The following IL1RAPL1 variants were observed in gnomAD, a reference collection of about 807,000 sequenced individuals.
The protein encoded by IL1RAPL1 is interleukin-1 receptor accessory protein-like 1.
In IL1RAPL1, 3 loss-of-function variants were observed where a neutral mutation model predicts 48.4. The observed-to-expected ratio is 0.06, with a 90% CI of 0.03 to 0.16. IL1RAPL1 has a LOEUF of 0.16. IL1RAPL1 is among the 10% of genes least tolerant of loss of function. The pLI is 1.00. For synonymous variants in IL1RAPL1, 185 were observed against 187.7 expected (o/e 0.99, Z 0.12); for missense variants, 349 against 530.6 (o/e 0.66, Z 3.36).
chrX:29,703,715 A>G (rs960083392), intron 6 of IL1RAPL1, among the ~76,000 whole-genome samples: 1 of 112,245 alleles, frequency 8.9e-6, no homozygotes, highest in Non-Finnish European at 1.9e-5. Context: ...GAATTCATAT[A>G]CTTGCTTGTA....
At chrX:29,042,828 CTTGCT>C (rs888177724) in intron 2 of IL1RAPL1, among the ~76,000 whole-genome samples, 2 of 111,989 alleles carry the variant, frequency 1.8e-5, no homozygotes, top group African/African-American at 3.2e-5. Flanking sequence ...CTCTAATAAA[CTTGCT>C]TTCACTTTAC....
At chrX:29,663,788 T>G (rs1417400683) in intron 5 of IL1RAPL1, among the ~76,000 whole-genome samples, 1 of 112,218 alleles carries the variant, frequency 8.9e-6, no homozygotes, top group Non-Finnish European at 1.9e-5. Context: ...GTCCAGTTCA[T>G]TATTTCACAA....
chrX:29,099,643 A>G (rs1478750495), intron 2 of IL1RAPL1, among the ~76,000 whole-genome samples: 1 of 111,709 alleles, frequency 9.0e-6, no homozygotes, highest in East Asian at 2.8e-4. Flanking sequence ...TCGATAATGT[A>G]CAGTTTAGTT....
chrX:29,766,490 T>C (rs1239473540), intron 6 of IL1RAPL1, among the ~76,000 whole-genome samples: 1 of 96,471 alleles, frequency 1.0e-5, no homozygotes, highest in African/African-American at 3.8e-5. Context: ...TATATATATA[T>C]ATTTATATAT....
At chrX:28,949,277 T>G (rs1280581825) in intron 2 of IL1RAPL1, among the ~76,000 whole-genome samples, 2 of 108,269 alleles carry the variant, frequency 1.8e-5, no homozygotes, top group African/African-American at 6.7e-5. Context: ...TGTTTTTTGT[T>G]TTTTTTTTTT....
intron 2 of IL1RAPL1, among the ~76,000 whole-genome samples, chrX:29,037,472 T>C (rs1237001101): frequency 8.9e-6 from 1 of 111,741 alleles, no homozygotes; most frequent in East Asian, 2.8e-4. Context: ...AAAAATGGAA[T>C]TATTTTAAAA....
At position 28,864,469 on chromosome X, in the gene IL1RAPL1, C is replaced by G. The variant is rs146953217; in HGVS notation, c.82+75044C>G. 3.4e-3 allele frequency among the ~76,000 whole-genome samples: 377 copies of G among 111,692 alleles called. 2 individuals carry two copies. The highest frequency in any genetic ancestry group is 0.012 in the African/African-American group (356 of 30,785). ...ATAATTTTTACTAGAGAAATACTCT[C>G]ATAAAAACCAGAGAGACTAAGGGAA... On this transcript the variant is annotated intron_variant, in intron 2 of 10. Transcript: ENST00000378993.
intron 6 of IL1RAPL1, among the ~76,000 whole-genome samples, chrX:29,674,951 A>T (rs191750611): frequency 7.1e-5 from 8 of 112,310 alleles, no homozygotes; most frequent in African/African-American, 2.6e-4. Context: ...ACCACTTTTT[A>T]AAAAAATCGA....
chrX:29,155,300 C>T (rs1383014631), intron 2 of IL1RAPL1, among the ~76,000 whole-genome samples: 4 of 112,054 alleles, frequency 3.6e-5, no homozygotes, highest in African/African-American at 1.3e-4. Flanking sequence ...GCATGAGCCA[C>T]CATGCCTGGT....
intron 5 of IL1RAPL1, among the ~76,000 whole-genome samples, chrX:29,434,658 C>T (rs959298739): frequency 3.6e-5 from 4 of 110,523 alleles, no homozygotes; most frequent in Admixed American, 1.9e-4. Flanking sequence ...AAATGAAGGC[C>T]AATAATTATG....
At chrX:29,193,912 T>C (rs1397776375) in intron 2 of IL1RAPL1, among the ~76,000 whole-genome samples, 1 of 111,986 alleles carries the variant, frequency 8.9e-6, no homozygotes, top group Non-Finnish European at 1.9e-5. Flanking sequence ...TTCTCTGTAT[T>C]ATTTTTGCAA....
chrX:28,676,395 T>C (rs953772511), intron 1 of IL1RAPL1, among the ~76,000 whole-genome samples: 1 of 111,832 alleles, frequency 8.9e-6, no homozygotes, highest in Non-Finnish European at 1.9e-5. Context: ...ATGGATGTGC[T>C]GCACTATGCA....
intron 5 of IL1RAPL1, among the ~76,000 whole-genome samples, chrX:29,645,356 G>T (rs183625893): frequency 1.5e-3 from 171 of 111,476 alleles, no homozygotes; most frequent in African/African-American, 5.2e-3. Context: ...AAGAAAAGAC[G>T]CATCAAAGAG....
intron 3 of IL1RAPL1, among the ~76,000 whole-genome samples, chrX:29,292,438 A>G (rs1030721049): frequency 8.9e-6 from 1 of 111,818 alleles, no homozygotes; most frequent in African/African-American, 3.2e-5. Flanking sequence ...TAACTGCTAT[A>G]ACTGTAGTAT....
At chrX:29,648,834 T>A (rs1925423559) in intron 5 of IL1RAPL1, among the ~76,000 whole-genome samples, 1 of 110,224 alleles carries the variant, frequency 9.1e-6, no homozygotes, top group Non-Finnish European at 1.9e-5. Context: ...AAGAGATGAA[T>A]GAAGCAAAGG....
At chrX:28,642,521 G>A (rs956449969) in intron 1 of IL1RAPL1, among the ~76,000 whole-genome samples, 6 of 112,011 alleles carry the variant, frequency 5.4e-5, no homozygotes, top group African/African-American at 1.6e-4. Context: ...TAACTGCATA[G>A]CTACATGGAA....
chrX:29,223,149 A>T (rs778817922), intron 2 of IL1RAPL1, among the ~76,000 whole-genome samples: 104 of 109,589 alleles, frequency 9.5e-4, no homozygotes, highest in African/African-American at 2.8e-3. Flanking sequence ...CTGAAGTTTT[A>T]AAAAAAAATG....
intron 2 of IL1RAPL1, among the ~76,000 whole-genome samples, chrX:29,229,403 TAA>T (rs1303864940): frequency 1.9e-5 from 2 of 105,337 alleles, no homozygotes; most frequent in African/African-American, 6.9e-5. Context: ...TGATAATTTT[TAA>T]AAAAAAAAAA....
At chrX:29,865,850 A>C (rs1387738490) in intron 6 of IL1RAPL1, among the ~76,000 whole-genome samples, 1 of 98,361 alleles carries the variant, frequency 1.0e-5, no homozygotes, top group East Asian at 3.2e-4. Context: ...GGGTCTCACC[A>C]TGTTGGTCAG....
Sources: allele counts gnomAD v4.1 joint callset (sites outside exome capture counted in the v4.1 genomes callset), GRCh38; gene constraint gnomAD v4.1.1; transcripts MANE v1.5; gene names NCBI Gene and HGNC (gene_info 2026-07-23, HGNC 2026-07-21).